Variants in RAB3C observed in about 807,000 individuals in gnomAD.
The protein encoded by RAB3C is ras-related protein Rab-3C.
A neutral mutation model predicts 26.4 loss-of-function variants in RAB3C; 17 were observed. That is an observed-to-expected ratio of 0.64 (90% CI 0.44 to 0.97). RAB3C has a LOEUF of 0.97. Among genes scored for constraint, RAB3C ranks in the 50% least tolerant of loss-of-function variants. RAB3C has a pLI of 0.00. For missense variants in RAB3C, 242 were observed against 281.9 expected (o/e 0.86, Z 1.01); for synonymous variants, 91 against 95.9 (o/e 0.95, Z 0.30).
At chr5:58,585,049 G>T (rs1158482895) in intron 1 of RAB3C, among the ~76,000 whole-genome samples, 1 of 151,992 alleles carries the variant, frequency 6.6e-6, no homozygotes, top group Non-Finnish European at 1.5e-5. Context: ...TGGAGTTATT[G>T]TCATATTTAT....
chr5:58,829,096 G>T (rs1743555987), intron 4 of RAB3C, among the ~76,000 whole-genome samples: 2 of 151,644 alleles, frequency 1.3e-5, no homozygotes, highest in Admixed American at 6.6e-5. Flanking sequence ...GTAGAGATGG[G>T]CTTTCACCGT....
At chr5:58,670,187 A>G (rs959551012) in intron 2 of RAB3C, among the ~76,000 whole-genome samples, 2 of 152,108 alleles carry the variant, frequency 1.3e-5, no homozygotes, top group Non-Finnish European at 1.5e-5. Flanking sequence ...TGAACAATTG[A>G]CATACGATCT....
chr5:58,624,710 A>G (rs951131540), intron 2 of RAB3C, among the ~76,000 whole-genome samples: 1 of 152,226 alleles, frequency 6.6e-6, no homozygotes, highest in African/African-American at 2.4e-5. Flanking sequence ...AGAGCAATGT[A>G]CAGTGGAACA....
intron 2 of RAB3C, among the ~76,000 whole-genome samples, chr5:58,662,916 T>C (rs1747932976): frequency 6.6e-6 from 1 of 150,448 alleles, no homozygotes; most frequent in Non-Finnish European, 1.5e-5. Context: ...AAAATGGATG[T>C]CTTTTATTGC....
At chr5:58,812,206 A>AG (rs1228850985) in intron 3 of RAB3C, among the ~76,000 whole-genome samples, 1 of 152,190 alleles carries the variant, frequency 6.6e-6, no homozygotes, top group Non-Finnish European at 1.5e-5. Flanking sequence ...TGGTGGAGGC[A>AG]GGAGGGCAGA....
Position 58,796,537 on chromosome 5 carries a change from C to T in RAB3C, c.372-28501C>T, listed in dbSNP as rs114627821. On this transcript the variant is annotated intron_variant, in intron 3 of 4. Coordinates refer to ENST00000282878, the MANE Select transcript of RAB3C (RefSeq NM_138453.4). ...CTGGCAGGAAACAGAAGCCATCCCA[C>T]ATGAGTCAATGGAAGAGAATTGTAA... 5.5e-3 allele frequency among the ~76,000 whole-genome samples: 836 copies of T among 152,188 alleles called. 12 individuals are homozygous for T. Among genetic ancestry groups the T allele is most frequent in the African/African-American group, 0.019 (790 of 41,520 alleles).
intron 2 of RAB3C, among the ~76,000 whole-genome samples, chr5:58,681,547 A>G (rs532332370): frequency 5.9e-4 from 90 of 152,370 alleles, no homozygotes; most frequent in African/African-American, 2.1e-3. Context: ...AATACTTTTT[A>G]CTTTTGCTGT....
At chr5:58,704,442 A>G (rs562206939) in intron 2 of RAB3C, among the ~76,000 whole-genome samples, 64 of 152,322 alleles carry the variant, frequency 4.2e-4, no homozygotes, top group African/African-American at 1.5e-3. Flanking sequence ...AACTGCATCA[A>G]TATCTCTATT....
intron 3 of RAB3C, among the ~76,000 whole-genome samples, chr5:58,799,726 C>T (rs1313108446): frequency 6.6e-6 from 1 of 152,130 alleles, no homozygotes; most frequent in Non-Finnish European, 1.5e-5. Context: ...TGAATTCATT[C>T]CATGTCAATC....
chr5:58,583,958 T>G (rs1361390524), intron 1 of RAB3C, among the ~76,000 whole-genome samples: 14 of 152,228 alleles, frequency 9.2e-5, no homozygotes, highest in Admixed American at 9.2e-4. Flanking sequence ...TACCACTGCC[T>G]AAGCATCTTG....
chr5:58,680,602 A>C (rs766378215), intron 2 of RAB3C, among the ~76,000 whole-genome samples: 7 of 152,160 alleles, frequency 4.6e-5, no homozygotes, highest in Non-Finnish European at 8.8e-5. Flanking sequence ...GACCAAAGTC[A>C]GGGTGTTGGC....
intron 2 of RAB3C, among the ~76,000 whole-genome samples, chr5:58,706,725 A>C (rs1373654630): frequency 6.6e-6 from 1 of 152,192 alleles, no homozygotes; most frequent in Non-Finnish European, 1.5e-5. Context: ...TCTCTTCTAC[A>C]ACATCCTTAA....
At chr5:58,835,642 C>G (rs977908733) in intron 4 of RAB3C, among the ~76,000 whole-genome samples, 1 of 152,144 alleles carries the variant, frequency 6.6e-6, no homozygotes, top group African/African-American at 2.4e-5. Context: ...CACAAACTTG[C>G]AAACACATTT....
At position 58,677,817 on chromosome 5, in the gene RAB3C, T is replaced by TA. The variant is rs545078396; in HGVS notation, c.253-48178dup. On this transcript the variant is annotated intron_variant, in intron 2 of 4. Coordinates refer to ENST00000282878, the MANE Select transcript of RAB3C (RefSeq NM_138453.4). ...GCAGTGATCTGAAAGGATATTGGGT[T>TA]AAAAAAATACTAACATTTTCTGTTT... 1.6e-4 allele frequency among the ~76,000 whole-genome samples: 24 copies of TA among 152,300 alleles called. No individual in the cohort carries two copies. The South Asian group carries it at 4.4e-3, about 28-fold the overall frequency.
intron 4 of RAB3C, among the ~76,000 whole-genome samples, chr5:58,838,487 AT>A: frequency 6.6e-6 from 1 of 151,688 alleles, no homozygotes; most frequent in East Asian, 1.9e-4. Context: ...ATTTCCATGT[AT>A]TTGTGTTGTT....
chr5:58,652,653 T>C (rs920149039), intron 2 of RAB3C, among the ~76,000 whole-genome samples: 3 of 151,080 alleles, frequency 2.0e-5, no homozygotes, highest in Admixed American at 6.6e-5. Context: ...CATACACATA[T>C]ACACATCTAT....
intron 3 of RAB3C, among the ~76,000 whole-genome samples, chr5:58,792,996 G>C (rs1460055490): frequency 6.6e-6 from 1 of 152,082 alleles, no homozygotes; most frequent in Non-Finnish European, 1.5e-5. Flanking sequence ...AAAATATTTA[G>C]AGTGTTATAT....
At chr5:58,756,242 C>T (rs899138113) in intron 3 of RAB3C, among the ~76,000 whole-genome samples, 7 of 149,094 alleles carry the variant, frequency 4.7e-5, no homozygotes, top group Admixed American at 1.3e-4. Context: ...GTGTCACATA[C>T]ATGATGGCCC....
At chr5:58,690,483 G>T (rs1291601013) in intron 2 of RAB3C, among the ~76,000 whole-genome samples, 2 of 152,116 alleles carry the variant, frequency 1.3e-5, no homozygotes, top group Non-Finnish European at 2.9e-5. Context: ...TCTCAACTGG[G>T]GTGGCTTAGA....
Sources: allele counts gnomAD v4.1 joint callset (sites outside exome capture counted in the v4.1 genomes callset), GRCh38; gene constraint gnomAD v4.1.1; transcripts MANE v1.5; gene names NCBI Gene and HGNC (gene_info 2026-07-23, HGNC 2026-07-21).